Variants in RASA3 observed in about 807,000 individuals in gnomAD.
RASA3 encodes the protein ras GTPase-activating protein 3.
RASA3 carries 73 observed loss-of-function variants against 110.0 expected under a neutral mutation model. The ratio of observed to expected loss-of-function variants is 0.66; its 90% CI spans 0.55 to 0.81. The LOEUF (loss-of-function observed/expected upper bound fraction) is 0.81, where lower values mean the gene tolerates loss of function less well. Among genes scored for constraint, RASA3 ranks in the 30% least tolerant of loss-of-function variants. The pLI, the probability that RASA3 is intolerant of heterozygous loss-of-function variation, is 0.00. For synonymous variants in RASA3, 500 were observed against 451.4 expected (o/e 1.11, Z -1.37); for missense variants, 976 against 1,113.2 (o/e 0.88, Z 1.75).
intron 1 of RASA3, among the ~76,000 whole-genome samples, chr13:114,124,374 A>G (rs1406031523): frequency 6.6e-6 from 1 of 152,350 alleles, no homozygotes; most frequent in African/African-American, 2.4e-5. Context: ...TACTCACAGA[A>G]AAACAAAATC....
intron 4 of RASA3, among the ~76,000 whole-genome samples, chr13:114,037,417 G>A (rs1335126928): frequency 6.6e-6 from 1 of 152,152 alleles, no homozygotes; most frequent in Non-Finnish European, 1.5e-5. Context: ...AAGACCAGCA[G>A]GGTAGAGCTC....
chr13:113,998,395 T>C (rs974010357), intron 20 of RASA3, among the ~76,000 whole-genome samples: 4 of 152,224 alleles, frequency 2.6e-5, no homozygotes, highest in Non-Finnish European at 5.9e-5. Context: ...AACATGCTAG[T>C]AAAATTCTGC....
At chr13:114,105,895 C>T (rs1456909747) in intron 1 of RASA3, among the ~76,000 whole-genome samples, 2 of 152,154 alleles carry the variant, frequency 1.3e-5, no homozygotes, top group Non-Finnish European at 2.9e-5. Flanking sequence ...GGGGAATCAG[C>T]GTGGGGGAAA....
At chr13:114,075,287 C>G (rs1487724829) in intron 1 of RASA3, among the ~76,000 whole-genome samples, 1 of 152,224 alleles carries the variant, frequency 6.6e-6, no homozygotes, top group Non-Finnish European at 1.5e-5. Flanking sequence ...TCACATGGGG[C>G]AGTCGGCTCA....
intron 1 of RASA3, among the ~76,000 whole-genome samples, chr13:114,076,751 CA>C: frequency 6.6e-6 from 1 of 151,538 alleles, no homozygotes; most frequent in East Asian, 2.0e-4. Flanking sequence ...AATTTGAGGG[CA>C]GCCGCAGCAC....
rs2053857740 is a variant in RASA3, at chr13:114,019,031, G to A, written c.786-112C>T. 5 of 1,360,346 alleles carry A rather than the reference G, an allele frequency of 3.7e-6. No individual in the cohort carries two copies. In the Admixed American group the frequency reaches 7.8e-5, roughly 21 times the overall value. 84.3% of individuals were successfully genotyped at this position (1,360,346 alleles called of 1,614,324 possible). ...GTCGACTGGTCAGGAGGGTGATCCT[G>A]TAGGACCCCTCAGAGTGCAGCCCCT... is the stretch of plus-strand genomic sequence containing the variant. On this transcript the variant is annotated intron_variant, in intron 9 of 23. Coordinates refer to ENST00000334062, the MANE Select transcript of RASA3 (RefSeq NM_007368.4).
chr13:114,001,431 CCGCGGGCTCGGGGT>C (rs2053396054), intron 18 of RASA3, among the ~76,000 whole-genome samples: 1 of 139,186 alleles, frequency 7.2e-6, no homozygotes, highest in African/African-American at 2.5e-5. Context: ...GGACCTACGG[CCGCGGGCTCGGGGT>C]CAGGGTGGGC....
intron 5 of RASA3, among the ~76,000 whole-genome samples, chr13:114,028,807 T>TG (rs139543267): frequency 1.6e-5 from 1 of 63,954 alleles, no homozygotes; most frequent in Admixed American, 1.5e-4. Flanking sequence ...GGCGTCATCC[T>TG]GGGGCCAGGA....
chr13:114,009,364 T>A, intron 17 of RASA3, 23 bp downstream of exon 17: 1 of 1,588,096 alleles, frequency 6.3e-7, no homozygotes, highest in Non-Finnish European at 8.6e-7. Flanking sequence ...ACACGGGCGG[T>A]CGGAGGGTGA....
At chr13:114,060,699 C>T (rs762175034) in intron 2 of RASA3, among the ~76,000 whole-genome samples, 8 of 152,358 alleles carry the variant, frequency 5.3e-5, no homozygotes, top group South Asian at 4.1e-4. Context: ...GAGCCGCGCA[C>T]GCCCGGAGCT....
intron 23 of RASA3, among the ~76,000 whole-genome samples, chr13:113,981,058 C>T (rs189052989): frequency 6.6e-6 from 1 of 152,310 alleles, no homozygotes; most frequent in East Asian, 1.9e-4. Flanking sequence ...GAGAGTGACA[C>T]AGACACATCT....
intron 21 of RASA3, 44 bp from the exon 22 acceptor site, chr13:113,992,632 A>G: frequency 7.2e-7 from 1 of 1,385,450 alleles, no homozygotes; most frequent in Non-Finnish European, 1.0e-6. Context: ...ACACTTATTT[A>G]AACGATGCTT....
chr13:114,016,719 C>T (rs1292923788), intron 12 of RASA3, among the ~76,000 whole-genome samples: 4 of 152,232 alleles, frequency 2.6e-5, no homozygotes, highest in African/African-American at 9.6e-5. Flanking sequence ...CAAAATGCTG[C>T]CATGATTTTG....
intron 1 of RASA3, among the ~76,000 whole-genome samples, chr13:114,106,011 C>T (rs771119273): frequency 3.9e-5 from 6 of 152,140 alleles, no homozygotes; most frequent in African/African-American, 1.4e-4. Flanking sequence ...TCTGGGGCCA[C>T]GGCAGGAAAT....
chr13:114,075,452 G>A (rs994326259), intron 1 of RASA3, among the ~76,000 whole-genome samples: 5 of 103,368 alleles, frequency 4.8e-5, no homozygotes, highest in African/African-American at 1.2e-4. Flanking sequence ...AACGCCTCCC[G>A]TGTCCGCGCC....
At chr13:114,018,635 G>C in intron 10 of RASA3, 128 bp downstream of exon 10, 1 of 1,216,844 alleles carries the variant, frequency 8.2e-7, no homozygotes, top group Non-Finnish European at 1.1e-6. Flanking sequence ...AAACAGGCCA[G>C]GCTGGGAGGC....
chr13:114,010,825 C>CCGCGTGGGGAGGAGGGGGCTGTGTGGG (rs777335702), intron 16 of RASA3, among the ~76,000 whole-genome samples: 2 of 5,090 alleles, frequency 3.9e-4, no homozygotes, highest in Non-Finnish European at 7.4e-4. Flanking sequence ...GGCTGCGTGA[C>CCGCGTGGGGAGGAGGGGGCTGTGTGGG]GAGGAGCCTC....
intron 8 of RASA3, among the ~76,000 whole-genome samples, chr13:114,021,944 G>A (rs1170091219): frequency 1.3e-5 from 2 of 152,148 alleles, no homozygotes; most frequent in African/African-American, 2.4e-5. Flanking sequence ...GCCAGGAGTT[G>A]CTGTGTGCAC....
At chr13:114,094,411 C>T (rs1434026125) in intron 1 of RASA3, among the ~76,000 whole-genome samples, 1 of 152,186 alleles carries the variant, frequency 6.6e-6, no homozygotes, top group African/African-American at 2.4e-5. Context: ...AACGGATAAA[C>T]AAAATGTGAT....
Sources: allele counts gnomAD v4.1 joint callset (sites outside exome capture counted in the v4.1 genomes callset), GRCh38; gene constraint gnomAD v4.1.1; transcripts MANE v1.5; gene names NCBI Gene and HGNC (gene_info 2026-07-23, HGNC 2026-07-21).